MYO16: variants seen among roughly 807,000 people sequenced by gnomAD.
The protein encoded by MYO16 is unconventional myosin-XVI.
MYO16 carries 94 observed loss-of-function variants against 205.3 expected under a neutral mutation model. That is an observed-to-expected ratio of 0.46 (90% CI 0.39 to 0.54). MYO16 has a LOEUF of 0.54. MYO16 is among the 20% of genes least tolerant of loss of function. The pLI, the probability that MYO16 is intolerant of heterozygous loss-of-function variation, is 0.00. For missense variants in MYO16, 2,315 were observed against 2,387.5 expected, an observed-to-expected ratio of 0.97 and a Z score of 0.63; for synonymous variants, 988 against 954.0, an observed-to-expected ratio of 1.04 and a Z score of -0.66.
At chr13:108,726,567 A>AAAAAAG (rs3041980) in intron 3 of MYO16, among the ~76,000 whole-genome samples, 1 of 150,184 alleles carries the variant, frequency 6.7e-6, no homozygotes, top group Admixed American at 6.6e-5. Context: ...CAAAAAAAAA[A>AAAAAAG]AAAAAGAAAA....
the MYO16 span, among the ~76,000 whole-genome samples, chr13:108,526,483 T>TG: frequency 3.0e-3 from 333 of 109,686 alleles, 2 homozygotes; most frequent in African/African-American, 0.016. Context: ...TGGGGGCATC[T>TG]TTTTTCCCCA....
intron 12 of MYO16, among the ~76,000 whole-genome samples, chr13:108,880,532 T>A (rs1469082035): frequency 1.3e-5 from 2 of 152,198 alleles, no homozygotes; most frequent in African/African-American, 4.8e-5. Context: ...CTGGAATTAA[T>A]TTTTGTATAA....
At chr13:108,531,162 G>A in the MYO16 span, among the ~76,000 whole-genome samples, 1 of 152,314 alleles carries the variant, frequency 6.6e-6, no homozygotes, top group African/African-American at 2.4e-5. Flanking sequence ...GGAGAAGATA[G>A]TTTAAGGTGA....
At chr13:108,609,959 C>T (rs1879110472) in intron 1 of MYO16, among the ~76,000 whole-genome samples, 1 of 151,592 alleles carries the variant, frequency 6.6e-6, no homozygotes, top group African/African-American at 2.4e-5. Context: ...AACACTGGGC[C>T]CAAAAGGAAA....
intron 28 of MYO16, among the ~76,000 whole-genome samples, chr13:109,116,359 G>T (rs2139750518): frequency 6.6e-6 from 1 of 152,222 alleles, no homozygotes; most frequent in East Asian, 1.9e-4. Flanking sequence ...CCCACCAGGG[G>T]ATTGGAGGAC....
chr13:109,061,580 C>T (rs1312458386), intron 27 of MYO16, among the ~76,000 whole-genome samples: 1 of 152,130 alleles, frequency 6.6e-6, no homozygotes, highest in East Asian at 1.9e-4. Context: ...AGTGAGAACA[C>T]ACATGACACG....
intron 5 of MYO16, among the ~76,000 whole-genome samples, chr13:108,790,287 A>C (rs1156328220): frequency 6.6e-6 from 1 of 152,234 alleles, no homozygotes; most frequent in Non-Finnish European, 1.5e-5. Flanking sequence ...GTTAGGGTTC[A>C]GATTGACTTC....
At chr13:108,506,336 T>C in the MYO16 span, among the ~76,000 whole-genome samples, 5 of 152,292 alleles carry the variant, frequency 3.3e-5, no homozygotes, top group East Asian at 7.7e-4. Flanking sequence ...TAAATTTCTT[T>C]CAGCAATGTT....
At chr13:108,619,596 G>A (rs1227580575) in intron 1 of MYO16, among the ~76,000 whole-genome samples, 3 of 152,156 alleles carry the variant, frequency 2.0e-5, no homozygotes, top group South Asian at 4.1e-4. Flanking sequence ...AGCAGTAATA[G>A]GATGTAGCAT....
At chr13:108,727,193 C>T (rs765492117) in intron 3 of MYO16, among the ~76,000 whole-genome samples, 11 of 151,580 alleles carry the variant, frequency 7.3e-5, no homozygotes, top group Non-Finnish European at 1.5e-4. Context: ...GTACTTTTTT[C>T]GACCTTCCTA....
Position 108,862,241 on chromosome 13 carries a change from T to C in MYO16, c.1360-3936T>C, listed in dbSNP as rs1210693211. The stretch of plus-strand genomic sequence containing the variant: ...AATAAAATTCTGAATGTTAAAATCC[T>C]GAAAGCTGAATTCTAGGGAAAGGAT... On this transcript the variant is annotated intron_variant, in intron 11 of 34. Coordinates refer to ENST00000457511, the MANE Select transcript of MYO16 (RefSeq NM_001198950.3). 3.9e-5 allele frequency among the ~76,000 whole-genome samples: 6 copies of C among 152,158 alleles called. 1 individual carries two copies. The highest frequency in any genetic ancestry group is 1.3e-4 in the Admixed American group (2 of 15,254).
intron 1 of MYO16, among the ~76,000 whole-genome samples, chr13:108,660,929 G>C (rs1203896469): frequency 1.3e-5 from 2 of 152,074 alleles, no homozygotes; most frequent in Non-Finnish European, 2.9e-5. Context: ...GTTTTGATGT[G>C]TTTCCATGAT....
intron 1 of MYO16, among the ~76,000 whole-genome samples, chr13:108,662,776 G>C: frequency 6.6e-6 from 1 of 152,112 alleles, no homozygotes; most frequent in East Asian, 1.9e-4. Flanking sequence ...ACCCTCCCCC[G>C]AGTTCTGGCC....
intron 4 of MYO16, among the ~76,000 whole-genome samples, chr13:108,777,849 C>G (rs1291923742): frequency 6.6e-6 from 1 of 152,146 alleles, no homozygotes; most frequent in Non-Finnish European, 1.5e-5. Flanking sequence ...TACCTTCATA[C>G]CTGGGGAATG....
chr13:108,848,090 C>T (rs9514932), intron 10 of MYO16, among the ~76,000 whole-genome samples: 63,283 of 151,816 alleles, frequency 0.42, 13,653 homozygotes, highest in Non-Finnish European at 0.47. Flanking sequence ...GCCTCATGTG[C>T]AAAATGGGTA....
chr13:108,832,144 A>ATTTTTTT lies in MYO16; in HGVS notation c.1097+8876_1097+8882dup, dbSNP rs10635580. ...CAGTGTATTTCAATGTTCCGTATGGATTTTTTTTTTTTTTTTGAGACAGAG... is the reference window on the plus strand; with the variant it reads ...CAGTGTATTTCAATGTTCCGTATGGATTTTTTTTTTTTTTTTTTTTTTTGAGACAGAG... On this transcript the variant is annotated intron_variant, in intron 9 of 34. Coordinates refer to ENST00000457511, the MANE Select transcript of MYO16 (RefSeq NM_001198950.3). Among the ~76,000 whole-genome samples, 66 of 134,594 alleles carry ATTTTTTT rather than the reference A, an allele frequency of 4.9e-4. 1 individual carries two copies. Among genetic ancestry groups the ATTTTTTT allele is most frequent in the African/African-American group, 1.6e-3 (59 of 35,948 alleles). 88.3% of individuals were successfully genotyped at this position (134,594 alleles called of 152,430 possible). A position where few individuals can be genotyped will look rare whatever the true frequency, so the allele number is the denominator to read the frequency against.
At chr13:109,174,913 T>A (rs1176675198) in intron 33 of MYO16, among the ~76,000 whole-genome samples, 1 of 151,578 alleles carries the variant, frequency 6.6e-6, no homozygotes, top group Non-Finnish European at 1.5e-5. Context: ...CACCACATTT[T>A]TTTTTTTGTA....
intron 32 of MYO16, among the ~76,000 whole-genome samples, chr13:109,155,573 G>T (rs1877969352): frequency 6.6e-6 from 1 of 152,192 alleles, no homozygotes; most frequent in Admixed American, 6.5e-5. Flanking sequence ...TCCACATAGT[G>T]TGGGTAACAG....
At chr13:109,027,462 T>C (rs568782129) in intron 23 of MYO16, among the ~76,000 whole-genome samples, 9 of 152,308 alleles carry the variant, frequency 5.9e-5, no homozygotes, top group South Asian at 2.1e-4. Flanking sequence ...TGCTTTTCTC[T>C]CTTCACCACA....
Sources: gnomAD v4.1 joint callset for allele counts (sites outside exome capture counted in the v4.1 genomes callset) on GRCh38, gnomAD v4.1.1 for gene constraint, MANE v1.5 for transcripts, NCBI Gene and HGNC (gene_info 2026-07-23, HGNC 2026-07-21) for gene names.